LRRC7: variants seen among roughly 807,000 people sequenced by gnomAD.
LRRC7 encodes leucine-rich repeat-containing protein 7.
In LRRC7, 23 loss-of-function variants were observed where a neutral mutation model predicts 175.7. That is an observed-to-expected ratio of 0.13 (90% CI 0.09 to 0.19). The LOEUF (loss-of-function observed/expected upper bound fraction) is 0.19. Ranked by LOEUF, LRRC7 falls within the 10% of genes least tolerant of loss-of-function variation. LRRC7 has a pLI of 1.00. For missense variants in LRRC7, 1,354 were observed against 1,904.7 expected (o/e 0.71, Z 5.38); for synonymous variants, 685 against 680.9 (o/e 1.01, Z -0.09).
At chr1:69,731,981 T>C (rs563712399) in intron 2 of LRRC7, among the ~76,000 whole-genome samples, 1 of 152,284 alleles carries the variant, frequency 6.6e-6, no homozygotes, top group African/African-American at 2.4e-5. Flanking sequence ...TATTGCTAAC[T>C]AGTTAATATA....
intron 2 of LRRC7, among the ~76,000 whole-genome samples, chr1:69,735,947 A>AT (rs900814073): frequency 6.6e-6 from 1 of 151,984 alleles, no homozygotes; most frequent in Admixed American, 6.6e-5. Flanking sequence ...TGATTAAATG[A>AT]TTTTTTAAAT....
intron 2 of LRRC7, among the ~76,000 whole-genome samples, chr1:69,736,212 C>T (rs1319452285): frequency 1.3e-5 from 2 of 152,010 alleles, no homozygotes; most frequent in African/African-American, 4.8e-5. Context: ...CTGTAATGTA[C>T]TTTTTGAATT....
chr1:69,852,138 C>A (rs1449841624), intron 7 of LRRC7, among the ~76,000 whole-genome samples: 1 of 151,824 alleles, frequency 6.6e-6, no homozygotes, highest in Admixed American at 6.6e-5. Context: ...CTCTTTGTTA[C>A]ATTGCCTTTT....
chr1:70,011,852 T>G lies in LRRC7; in HGVS notation c.1060T>G (p.Ser354Ala), dbSNP rs1656539329. The G allele has an allele frequency of 2.5e-6, 4 of 1,586,904 alleles. No individual in the cohort carries two copies. The Middle Eastern group carries it at 5.0e-4, about 198-fold the overall frequency. ...CSCNELESLP[S>A]TIGYLHSLRT... ...CTGTAATGAACTGGAGTCACTACCT[T>G]CTACTATTGGCTACCTTCATAGTCT... The change falls in exon 12 of 27, where the codon TCT becomes GCT. Residue 354 changes from serine to alanine, a missense_variant. This residue lies in a region of LRRC7 where 201 missense variants were observed against 481.4 expected (regional missense o/e 0.42). Transcript: ENST00000651989.
chr1:69,756,349 A>G (rs1489793345), intron 2 of LRRC7, among the ~76,000 whole-genome samples: 1 of 151,918 alleles, frequency 6.6e-6, no homozygotes, highest in Non-Finnish European at 1.5e-5. Context: ...TAAAAAATGA[A>G]GAACTTATCA....
chr1:69,603,585 C>A (rs938921241), intron 1 of LRRC7, among the ~76,000 whole-genome samples: 4 of 151,990 alleles, frequency 2.6e-5, no homozygotes, highest in African/African-American at 9.7e-5. Context: ...AGATATTATA[C>A]AAATAGGATA....
intron 4 of LRRC7, among the ~76,000 whole-genome samples, chr1:69,819,577 C>CTGTGTGTGTGTGTGTGTGTGTG (rs71071379): frequency 8.7e-6 from 1 of 114,908 alleles, no homozygotes; most frequent in African/African-American, 3.1e-5. Flanking sequence ...CTCTCTCTCT[C>CTGTGTGTGTGTGTGTGTGTGTG]TGTGTGTGTG....
At chr1:69,770,836 G>T (rs1408853332) in intron 3 of LRRC7, among the ~76,000 whole-genome samples, 2 of 152,078 alleles carry the variant, frequency 1.3e-5, no homozygotes, top group Admixed American at 6.6e-5. Context: ...TTGAATAAAG[G>T]TCTAAAAAAT....
chr1:70,074,927 T>G (rs1303161323), intron 23 of LRRC7, among the ~76,000 whole-genome samples: 1 of 152,272 alleles, frequency 6.6e-6, no homozygotes, highest in South Asian at 2.1e-4. Flanking sequence ...TTTTTATTAC[T>G]CCAACCTAAC....
intron 1 of LRRC7, among the ~76,000 whole-genome samples, chr1:69,677,697 A>C (rs1007383585): frequency 6.6e-6 from 1 of 151,986 alleles, no homozygotes; most frequent in East Asian, 1.9e-4. Context: ...TGATGACCTT[A>C]GTTTTTTAAA....
intron 4 of LRRC7, among the ~76,000 whole-genome samples, chr1:69,819,788 A>G (rs1369961140): frequency 6.6e-6 from 1 of 152,050 alleles, no homozygotes; most frequent in Non-Finnish European, 1.5e-5. Flanking sequence ...CACTTTTATC[A>G]TTATATAATT....
At chr1:69,793,646 A>C (rs1381471044) in intron 4 of LRRC7, among the ~76,000 whole-genome samples, 1 of 151,016 alleles carries the variant, frequency 6.6e-6, no homozygotes, top group Admixed American at 6.6e-5. Flanking sequence ...TTTTTTTCTT[A>C]TATGAAAAAC....
chr1:69,885,989 T>C (rs1687149012), intron 7 of LRRC7, among the ~76,000 whole-genome samples: 1 of 141,562 alleles, frequency 7.1e-6, no homozygotes, highest in African/African-American at 2.6e-5. Context: ...AGACAGTTTG[T>C]TATAATCTCT....
chr1:70,143,827 A>C lies in LRRC7; in HGVS notation c.*21940A>C, dbSNP rs1667187372. 1 of 150,790 alleles carries C rather than the reference A, an allele frequency of 6.6e-6. No homozygotes were observed. Among genetic ancestry groups the C allele is most frequent in the African/African-American group, 2.5e-5 (1 of 40,082 alleles). The allele number at this position is 150,790 out of a possible 1,614,324, so 9.3% of individuals were successfully genotyped here. ...TGAGATAATTGTGATTTTGAGCTTA[A>C]ATTATATATAAAAAATTGTCATTTT... On this transcript the variant is annotated 3_prime_UTR_variant, in exon 27 of 27. Coordinates refer to ENST00000651989, the MANE Select transcript of LRRC7 (RefSeq NM_001370785.2).
intron 26 of LRRC7, among the ~76,000 whole-genome samples, chr1:70,119,608 A>G: frequency 6.6e-6 from 1 of 151,246 alleles, no homozygotes; most frequent in East Asian, 1.9e-4. Context: ...CTCAAAATTA[A>G]CAGCTATGAT....
chr1:69,781,480 G>A (rs777740981), intron 3 of LRRC7, among the ~76,000 whole-genome samples: 4 of 151,462 alleles, frequency 2.6e-5, no homozygotes, highest in African/African-American at 7.3e-5. Flanking sequence ...TCAGGAGGTC[G>A]AGACTAGGCT....
At chr1:70,032,746 A>G (rs1658892487) in intron 18 of LRRC7, among the ~76,000 whole-genome samples, 1 of 152,192 alleles carries the variant, frequency 6.6e-6, no homozygotes, top group Admixed American at 6.5e-5. Flanking sequence ...AAGCTCAGAA[A>G]TAAGCTTGCT....
chr1:69,863,373 C>T (rs1443005443), intron 7 of LRRC7, among the ~76,000 whole-genome samples: 1 of 152,172 alleles, frequency 6.6e-6, no homozygotes, highest in East Asian at 1.9e-4. Context: ...ACTTGTCTCT[C>T]TCATTTTAAA....
chr1:69,900,345 T>C (rs984728677), intron 7 of LRRC7, among the ~76,000 whole-genome samples: 1 of 152,198 alleles, frequency 6.6e-6, no homozygotes. Context: ...ACCCAGAATC[T>C]ACATCTGTTT....
Sources: allele counts gnomAD v4.1 joint callset (sites outside exome capture counted in the v4.1 genomes callset), GRCh38; gene constraint gnomAD v4.1.1; regional missense constraint gnomAD v4.1.1; transcripts MANE v1.5; gene names NCBI Gene and HGNC (gene_info 2026-07-23, HGNC 2026-07-21).